The following KATNBL1 variants were observed in gnomAD, a reference collection of about 807,000 sequenced individuals.
The protein encoded by KATNBL1 is katanin regulatory subunit B1 like 1.
Under a neutral mutation model 44.7 loss-of-function variants are expected in KATNBL1, and 28 were observed. The ratio of observed to expected loss-of-function variants is 0.63; its 90% CI spans 0.46 to 0.86. The LOEUF (loss-of-function observed/expected upper bound fraction) is 0.86. Ranked by LOEUF, KATNBL1 falls within the 40% of genes least tolerant of loss-of-function variation. The pLI, the probability that KATNBL1 is intolerant of heterozygous loss-of-function variation, is 0.00. For synonymous variants in KATNBL1, 78 were observed against 114.9 expected, an observed-to-expected ratio of 0.68 and a Z score of 2.06; for missense variants, 272 against 350.7, an observed-to-expected ratio of 0.78 and a Z score of 1.79.
chr15:34,145,484 G>A lies in KATNBL1; in HGVS notation c.796C>T (p.Gln266Ter). 4.2e-6 allele frequency: 6 copies of A among 1,438,356 alleles called. No individual in the cohort carries two copies. Among genetic ancestry groups the A allele is most frequent in the Non-Finnish European group, 5.5e-6 (6 of 1,099,892 alleles). The allele number at this position is 1,438,356 out of a possible 1,614,324, so 89.1% of individuals were successfully genotyped here. ...KTEIINDGNI[Q>*]ILKQQLSGLW... ...CCACTTAATTGTTGTTTTAAAATTT[G>A]AATATTTCTAAAAGAAAAAAAAGGA... Residue 266 changes from glutamine to a stop codon, truncating the protein, a stop_gained, in exon 9 of 10, where the codon CAA (glutamine) becomes TAA (stop). Transcript: ENST00000256544. LOFTEE classifies it high-confidence loss of function.
At chr15:34,193,230 A>AC (rs1193689396) in intron 1 of KATNBL1, among the ~76,000 whole-genome samples, 9 of 105,772 alleles carry the variant, frequency 8.5e-5, no homozygotes, top group South Asian at 2.9e-4. Context: ...AAAAAAAAAA[A>AC]AAAAACAAAA....
At chr15:34,181,993 C>T (rs985239832) in intron 1 of KATNBL1, among the ~76,000 whole-genome samples, 4 of 150,112 alleles carry the variant, frequency 2.7e-5, no homozygotes, top group African/African-American at 4.9e-5. Context: ...TTACCATATG[C>T]CAGGTGTAGG....
chr15:34,179,358 A>G (rs1889449053), intron 1 of KATNBL1, among the ~76,000 whole-genome samples: 1 of 152,194 alleles, frequency 6.6e-6, no homozygotes. Flanking sequence ...CTCCTATGAT[A>G]AAAATATTAA....
At chr15:34,146,663 T>C in intron 8 of KATNBL1, 98 bp downstream of exon 8, 1 of 737,210 alleles carries the variant, frequency 1.4e-6, no homozygotes, top group Non-Finnish European at 2.5e-6. Flanking sequence ...ATAAATACCA[T>C]ACACTGATGA....
intron 8 of KATNBL1, chr15:34,145,861 G>A (rs1888292902): frequency 6.6e-6 from 1 of 151,194 alleles, no homozygotes; most frequent in Admixed American, 6.6e-5. Context: ...GTCAAAGCAG[G>A]TAAGAAAATG....
chr15:34,145,035 A>T (rs539117312), intron 9 of KATNBL1: 1 of 990,918 alleles, frequency 1.0e-6, no homozygotes, highest in Non-Finnish European at 1.2e-6. Flanking sequence ...AATCTCCAAA[A>T]CCATTTAATT....
At chr15:34,160,470 T>TG (rs779649147) in intron 2 of KATNBL1, among the ~76,000 whole-genome samples, 29 of 152,284 alleles carry the variant, frequency 1.9e-4, no homozygotes, top group Non-Finnish European at 2.6e-4. Flanking sequence ...ATCCTTCATC[T>TG]GGGGGGGTCT....
chr15:34,171,668 A>G (rs969267534), intron 1 of KATNBL1, among the ~76,000 whole-genome samples: 1 of 152,210 alleles, frequency 6.6e-6, no homozygotes, highest in African/African-American at 2.4e-5. Flanking sequence ...TCACAGTAGC[A>G]AAGACTTGGA....
intron 2 of KATNBL1, among the ~76,000 whole-genome samples, chr15:34,155,404 C>T (rs931059561): frequency 9.2e-5 from 14 of 152,108 alleles, no homozygotes; most frequent in African/African-American, 2.2e-4. Context: ...CCCACGGATG[C>T]GAGGTATGAT....
chr15:34,164,122 G>A (rs747826117), intron 1 of KATNBL1, among the ~76,000 whole-genome samples: 1 of 152,172 alleles, frequency 6.6e-6, no homozygotes, highest in Non-Finnish European at 1.5e-5. Context: ...TCATACTCCT[G>A]ACCTCAGGTG....
intron 2 of KATNBL1, among the ~76,000 whole-genome samples, chr15:34,162,771 G>A (rs1275788957): frequency 1.3e-5 from 2 of 151,614 alleles, no homozygotes; most frequent in Admixed American, 6.6e-5. Context: ...CACCATGCCT[G>A]GCTAGTTGAA....
At chr15:34,180,724 T>C (rs564161051) in intron 1 of KATNBL1, among the ~76,000 whole-genome samples, 4 of 152,130 alleles carry the variant, frequency 2.6e-5, no homozygotes, top group African/African-American at 9.7e-5. Flanking sequence ...GGGAGTTATT[T>C]TGACTCCTTT....
intron 1 of KATNBL1, among the ~76,000 whole-genome samples, chr15:34,201,866 T>C (rs1181273457): frequency 1.3e-5 from 2 of 152,244 alleles, no homozygotes; most frequent in East Asian, 1.9e-4. Flanking sequence ...CTACTGAATA[T>C]GTAGACTTAT....
At chr15:34,208,727 C>A (rs1890356458) in intron 1 of KATNBL1, 1 of 152,122 alleles carries the variant, frequency 6.6e-6, no homozygotes. Flanking sequence ...TCATCAAGAG[C>A]AGAAAACTTG....
chr15:34,155,102 T>C (rs1888600275), intron 2 of KATNBL1, among the ~76,000 whole-genome samples: 1 of 152,188 alleles, frequency 6.6e-6, no homozygotes, highest in African/African-American at 2.4e-5. Flanking sequence ...GGTTGTTTAC[T>C]GAAACTAGGG....
chr15:34,181,739 T>C (rs1032446658), intron 1 of KATNBL1, among the ~76,000 whole-genome samples: 1 of 132,386 alleles, frequency 7.6e-6, no homozygotes, highest in Non-Finnish European at 1.6e-5. Flanking sequence ...TATATACACA[T>C]ATATATGTCC....
chr15:34,205,644 T>C (rs181049928), intron 1 of KATNBL1, among the ~76,000 whole-genome samples: 1 of 152,346 alleles, frequency 6.6e-6, no homozygotes, highest in African/African-American at 2.4e-5. Flanking sequence ...GGTTGTACTC[T>C]GGTTGGTTTG....
chr15:34,195,504 G>A (rs929408269), intron 1 of KATNBL1, among the ~76,000 whole-genome samples: 2 of 152,020 alleles, frequency 1.3e-5, no homozygotes, highest in African/African-American at 4.8e-5. Flanking sequence ...AATGATCCAT[G>A]TACTGAACCT....
chr15:34,176,300 C>T (rs1042514570), intron 1 of KATNBL1, among the ~76,000 whole-genome samples: 1 of 151,970 alleles, frequency 6.6e-6, no homozygotes, highest in East Asian at 1.9e-4. Context: ...ATTACTTGAA[C>T]CCGGGAGGCG....
Sources: allele counts gnomAD v4.1 joint callset (sites outside exome capture counted in the v4.1 genomes callset), GRCh38; gene constraint gnomAD v4.1.1; transcripts MANE v1.5; gene names NCBI Gene and HGNC (gene_info 2026-07-23, HGNC 2026-07-21).